The following SYN3 variants were observed in gnomAD, a reference collection of about 807,000 sequenced individuals.
SYN3 encodes the protein synapsin III.
Under a neutral mutation model 65.8 loss-of-function variants are expected in SYN3, and 35 were observed. The observed-to-expected ratio is 0.53, with a 90% CI of 0.41 to 0.70. The LOEUF is 0.70. SYN3 is among the 30% of genes least tolerant of loss of function. The probability of loss-of-function intolerance (pLI) is 0.00; values close to 1 mark genes in which losing one functional copy is unlikely to be tolerated. For synonymous variants in SYN3, 270 were observed against 292.9 expected, an observed-to-expected ratio of 0.92 and a Z score of 0.80; for missense variants, 680 against 749.0, an observed-to-expected ratio of 0.91 and a Z score of 1.08.
At chr22:32,663,794 C>T (rs1212133362) in intron 6 of SYN3, among the ~76,000 whole-genome samples, 2 of 151,868 alleles carry the variant, frequency 1.3e-5, no homozygotes, top group East Asian at 1.9e-4. Context: ...GTAAAATCCA[C>T]GTGAATAATG....
At chr22:33,013,343 A>C (rs1411997043) in intron 1 of SYN3, among the ~76,000 whole-genome samples, 1 of 152,218 alleles carries the variant, frequency 6.6e-6, no homozygotes, top group South Asian at 2.1e-4. Context: ...AACAATACAC[A>C]GAGTGTGGTC....
intron 6 of SYN3, among the ~76,000 whole-genome samples, chr22:32,802,575 C>T (rs1223328199): frequency 6.6e-6 from 1 of 152,042 alleles, no homozygotes; most frequent in Non-Finnish European, 1.5e-5. Context: ...TTGGAGTACT[C>T]CGAGTCTGCA....
At chr22:32,864,284 T>A (rs79137047) in intron 6 of SYN3, among the ~76,000 whole-genome samples, 1,591 of 152,286 alleles carry the variant, frequency 0.01, 18 homozygotes, top group Middle Eastern at 0.034. Context: ...GGCTCTTTCC[T>A]GCTGCTTAGA....
intron 7 of SYN3, among the ~76,000 whole-genome samples, chr22:32,593,155 T>A (rs2858723): frequency 0.11 from 17,165 of 152,166 alleles, 2,268 homozygotes; most frequent in African/African-American, 0.32. Flanking sequence ...TCGAGACTGT[T>A]ACTGCAAGTT....
At chr22:32,821,980 AC>A (rs1295341977) in intron 6 of SYN3, among the ~76,000 whole-genome samples, 1 of 151,820 alleles carries the variant, frequency 6.6e-6, no homozygotes, top group Non-Finnish European at 1.5e-5. Flanking sequence ...ACATGGAGAA[AC>A]CCCATCTCTA....
At chr22:32,658,735 C>A (rs2060176621) in intron 6 of SYN3, among the ~76,000 whole-genome samples, 1 of 152,044 alleles carries the variant, frequency 6.6e-6, no homozygotes, top group Non-Finnish European at 1.5e-5. Context: ...CACTTAACTT[C>A]CCCTACTGCT....
intron 6 of SYN3, among the ~76,000 whole-genome samples, chr22:32,780,321 G>A (rs1228366975): frequency 2.6e-5 from 4 of 152,108 alleles, no homozygotes; most frequent in Non-Finnish European, 4.4e-5. Flanking sequence ...CAGGAGTGTT[G>A]TTCTGGGGGC....
chr22:32,523,417 G>T (rs1350665201), intron 12 of SYN3, among the ~76,000 whole-genome samples: 2 of 152,164 alleles, frequency 1.3e-5, no homozygotes, highest in East Asian at 3.9e-4. Flanking sequence ...GGAGGCTGAG[G>T]CAGGAGAATC....
intron 6 of SYN3, among the ~76,000 whole-genome samples, chr22:32,854,228 C>T (rs1044563488): frequency 5.3e-5 from 8 of 152,122 alleles, no homozygotes; most frequent in Non-Finnish European, 7.3e-5. Flanking sequence ...TAAAACACAG[C>T]GCTATGTTTG....
At chr22:33,009,964 G>A (rs1486560438) in intron 1 of SYN3, among the ~76,000 whole-genome samples, 2 of 152,114 alleles carry the variant, frequency 1.3e-5, no homozygotes, top group African/African-American at 2.4e-5. Flanking sequence ...TGGGCGTGGT[G>A]GCTCACGCCT....
chr22:33,004,395 G>C (rs1439834788), intron 2 of SYN3, among the ~76,000 whole-genome samples: 1 of 152,256 alleles, frequency 6.6e-6, no homozygotes, highest in African/African-American at 2.4e-5. Context: ...CAAGGTCATG[G>C]GAGCCCACCT....
chr22:32,625,800 G>A (rs1442431997), intron 6 of SYN3, among the ~76,000 whole-genome samples: 1 of 152,168 alleles, frequency 6.6e-6, no homozygotes, highest in African/African-American at 2.4e-5. Flanking sequence ...TGCTTACTGA[G>A]CACCTGCAAT....
chr22:32,571,295 A>G (rs1439462202), intron 7 of SYN3, among the ~76,000 whole-genome samples: 3 of 151,228 alleles, frequency 2.0e-5, no homozygotes, highest in African/African-American at 7.3e-5. Flanking sequence ...CCCAGTGCCC[A>G]GAACAACCAG....
chr22:32,637,956 C>T (rs1312488453), intron 6 of SYN3, among the ~76,000 whole-genome samples: 1 of 152,118 alleles, frequency 6.6e-6, no homozygotes, highest in Admixed American at 6.5e-5. Flanking sequence ...GCTTTTCAAC[C>T]CTTGTTTCCC....
At chr22:32,857,240 T>C in intron 6 of SYN3, 1 of 1,607,552 alleles carries the variant, frequency 6.2e-7, no homozygotes, top group Non-Finnish European at 8.5e-7. Flanking sequence ...ATGTTCCTTT[T>C]GCCCACAGAT....
At position 33,017,087 on chromosome 22, in the gene SYN3, G is replaced by C. The variant is rs996827881; in HGVS notation, c.-162-10263C>G. On this transcript the variant is annotated intron_variant, in intron 1 of 13. Transcript: ENST00000358763. The stretch of plus-strand genomic sequence containing the variant: ...TCTATTTTGAGGTGTTTTTTTGTAT[G>C]ATGTGAGATAAGGGTCCAACTTCAC... Among the ~76,000 whole-genome samples the C allele has an allele frequency of 4.6e-5, 7 of 152,208 alleles. 1 individual carries two copies. The highest frequency in any genetic ancestry group is 3.9e-4 in the East Asian group (2 of 5,194).
intron 10 of SYN3, among the ~76,000 whole-genome samples, chr22:32,531,148 CAAAAAAAAAAAA>C (rs59432094): frequency 1.0e-3 from 27 of 26,150 alleles, no homozygotes; most frequent in South Asian, 4.4e-3. Context: ...GACCCCGTCT[CAAAAAAAAAAAA>C]AAAAAAAAAA....
intron 6 of SYN3, among the ~76,000 whole-genome samples, chr22:32,715,896 A>T (rs2061032670): frequency 6.6e-6 from 1 of 152,142 alleles, no homozygotes; most frequent in Non-Finnish European, 1.5e-5. Flanking sequence ...GGTGAACAAC[A>T]GCTGTGCTGG....
At chr22:32,575,816 C>G (rs1368578292) in intron 7 of SYN3, among the ~76,000 whole-genome samples, 2 of 151,924 alleles carry the variant, frequency 1.3e-5, no homozygotes, top group East Asian at 3.9e-4. Flanking sequence ...TGGCATGGGA[C>G]CAGGCAAGAG....
Sources: gnomAD v4.1 joint callset for allele counts (sites outside exome capture counted in the v4.1 genomes callset) on GRCh38, gnomAD v4.1.1 for gene constraint, MANE v1.5 for transcripts, NCBI Gene and HGNC (gene_info 2026-07-23, HGNC 2026-07-21) for gene names.